The following POLD4 variants were observed in gnomAD, a reference collection of about 807,000 sequenced individuals.
POLD4 encodes the protein DNA polymerase delta 4, accessory subunit.
In POLD4, 9 loss-of-function variants were observed where a neutral mutation model predicts 16.5. The observed-to-expected ratio is 0.55, with a 90% CI of 0.33 to 0.95. The LOEUF (loss-of-function observed/expected upper bound fraction) is 0.95. POLD4 is among the 40% of genes least tolerant of loss of function. POLD4 has a pLI of 0.03. For missense variants in POLD4, 129 were observed against 139.7 expected, an observed-to-expected ratio of 0.92 and a Z score of 0.39; for synonymous variants, 62 against 57.6, an observed-to-expected ratio of 1.08 and a Z score of -0.35.
chr11:67,353,483 G>A lies in POLD4; in HGVS notation c.-84C>T, dbSNP rs550246173. On this transcript the variant is annotated 5_prime_UTR_variant, in exon 1 of 4. Transcript: ENST00000312419. ...AGTGGGCGCGAGAAAGACAGCTGCT[G>A]AGAGAGACAGACGGGGCCAGGCCAG... 497 of 1,211,524 alleles carry A rather than the reference G, an allele frequency of 4.1e-4. 2 individuals are homozygous for A. The highest frequency in any genetic ancestry group is 4.8e-4 in the Non-Finnish European group (410 of 852,474). 75.0% of individuals were successfully genotyped at this position (1,211,524 alleles called of 1,614,324 possible). A position where few individuals can be genotyped will look rare whatever the true frequency, so the allele number is the denominator to read the frequency against.
Position 67,351,878 on chromosome 11 carries a change from C to T in POLD4, c.*117G>A. ...CTCTGACACCTCCAGGTTCTGCCTG[C>T]CAAGGGTTCCTCCGCAGCCGGGCTG... On this transcript the variant is annotated 3_prime_UTR_variant, in exon 4 of 4. Transcript: ENST00000312419. This position sits in a 1 kb window ranked among gnomAD's most constrained non-coding sequence, Gnocchi z 4.8. 8 of 1,170,510 alleles carry T rather than the reference C, an allele frequency of 6.8e-6. No homozygotes were observed. The highest frequency in any genetic ancestry group is 9.9e-6 in the Non-Finnish European group (8 of 811,784). The allele number at this position is 1,170,510 out of a possible 1,614,324, so 72.5% of individuals were successfully genotyped here. A position where few individuals can be genotyped will look rare whatever the true frequency, so the allele number is the denominator to read the frequency against.
rs577010898 is a variant in POLD4, at chr11:67,351,760, A to T, written c.*235T>A. On this transcript the variant is annotated 3_prime_UTR_variant, in exon 4 of 4. Coordinates refer to ENST00000312419, the MANE Select transcript of POLD4 (RefSeq NM_021173.5). This position sits in a 1 kb window ranked among gnomAD's most constrained non-coding sequence, Gnocchi z 4.8. The stretch of plus-strand genomic sequence containing the variant: ...AGGTGATGGCCAGGTCCTTTTCCCC[A>T]GTGACCACTCTCCATCTAGAAGCAC... 2.8e-4 allele frequency: 145 copies of T among 521,210 alleles called. No individual in the cohort carries two copies. Among genetic ancestry groups the T allele is most frequent in the Non-Finnish European group, 4.4e-4 (127 of 287,590 alleles). The allele number at this position is 521,210 out of a possible 1,614,324, so 32.3% of individuals were successfully genotyped here.
chr11:67,351,869 T>G lies in POLD4; in HGVS notation c.*126A>C. The G allele has an allele frequency of 9.6e-7, 1 of 1,039,336 alleles. No individual in the cohort carries two copies. Among genetic ancestry groups the G allele is most frequent in the Non-Finnish European group, 1.4e-6 (1 of 695,628 alleles). The allele number at this position is 1,039,336 out of a possible 1,614,324, so 64.4% of individuals were successfully genotyped here. A position where few individuals can be genotyped will look rare whatever the true frequency, so the allele number is the denominator to read the frequency against. ...GAGTTGAGCCTCTGACACCTCCAGGTTCTGCCTGCCAAGGGTTCCTCCGCA... is the reference window on the plus strand; with the variant it reads ...GAGTTGAGCCTCTGACACCTCCAGGGTCTGCCTGCCAAGGGTTCCTCCGCA... On this transcript the variant is annotated 3_prime_UTR_variant, in exon 4 of 4. Coordinates refer to ENST00000312419, the MANE Select transcript of POLD4 (RefSeq NM_021173.5). The surrounding 1 kb of genome is among the most constrained non-coding windows in gnomAD (Gnocchi z 4.8).
Position 67,352,795 on chromosome 11 carries a change from T to A in POLD4, c.195A>T (p.Thr65=). The stretch of plus-strand genomic sequence containing the variant: ...TGGCCCGACACCAGCGCTGCAGCCG[T>A]GTGATCCCTGCCAGGGTGGGAAGAA... ...AWQYGPCTGI[T]RLQRWCRAKQ... Residue 65 remains threonine (T), a synonymous_variant, in exon 3 of 4, where the codon ACA becomes ACT. Transcript: ENST00000312419. 6.2e-7 allele frequency: 1 copy of A among 1,601,230 alleles called. No individual in the cohort carries two copies. The highest frequency in any genetic ancestry group is 8.5e-7 in the Non-Finnish European group (1 of 1,173,108).
rs1355352382 is a variant in POLD4, at chr11:67,352,969, G to T, written c.187+19C>A. 6.5e-7 allele frequency: 1 copy of T among 1,536,914 alleles called. No homozygotes were observed. Among genetic ancestry groups the T allele is most frequent in the South Asian group, 1.2e-5 (1 of 82,438 alleles). ...ACTGGCTGGGAGAGGCGCCTCCGTG[G>T]GGCTGGGTGGGTTCTCACCGGTGCA... On this transcript the variant is annotated intron_variant, in intron 2 of 3. Coordinates refer to ENST00000312419, the MANE Select transcript of POLD4 (RefSeq NM_021173.5).
At chr11:67,353,273 C>T in intron 1 of POLD4, 30 bp downstream of exon 1, 1 of 1,598,772 alleles carries the variant, frequency 6.3e-7, no homozygotes, top group Non-Finnish European at 8.5e-7. Flanking sequence ...TCCGTGTCCA[C>T]TCCTCCTGCC....
In POLD4 at chr11:67,353,467, G is replaced by A; in HGVS notation, c.-68C>T. The A allele has an allele frequency of 7.4e-7, 1 of 1,359,920 alleles. No individual in the cohort carries two copies. The allele number at this position is 1,359,920 out of a possible 1,614,324, so 84.2% of individuals were successfully genotyped here. A position where few individuals can be genotyped will look rare whatever the true frequency, so the allele number is the denominator to read the frequency against. On this transcript the variant is annotated 5_prime_UTR_variant, in exon 1 of 4. Transcript: ENST00000312419. ...AGAGGAGAGACCGGCCAGTGGGCGC[G>A]AGAAAGACAGCTGCTGAGAGAGACA...
At position 67,353,318 on chromosome 11, in the gene POLD4, G is replaced by A; in HGVS notation, c.82C>T (p.Leu28=). Residue 28 remains leucine (L), a synonymous_variant, in exon 1 of 4, where the codon CTG becomes TTG. Coordinates refer to ENST00000312419, the MANE Select transcript of POLD4 (RefSeq NM_021173.5). ...CCTCAGAGACCTAGCTCGGGTGCCAGCTCCCCCTTGCTGTGCCCAGCGGGC... is the reference window on the plus strand; with the variant it reads ...CCTCAGAGACCTAGCTCGGGTGCCAACTCCCCCTTGCTGTGCCCAGCGGGC... ...EGPAGHSKGE[L]APELGEEPQP... is the part of the protein sequence containing the mutation. 6.2e-7 allele frequency: 1 copy of A among 1,611,850 alleles called. No individual in the cohort carries two copies.
chr11:67,352,206 G>A, intron 3 of POLD4, 187 bp from the exon 4 acceptor site: 1 of 567,488 alleles, frequency 1.8e-6, no homozygotes. Flanking sequence ...CCCCCCACTA[G>A]CTTGTAGAGG....
intron 2 of POLD4, 73 bp downstream of exon 2, chr11:67,352,915 G>T: frequency 1.4e-6 from 2 of 1,430,354 alleles, no homozygotes; most frequent in Non-Finnish European, 1.9e-6. Context: ...TCACGCAAGC[G>T]CTTGGGTGAC....
In POLD4 at chr11:67,353,441, A is replaced by C. The variant is rs1207352528; in HGVS notation, c.-42T>G. 1 of 1,565,544 alleles carries C rather than the reference A, an allele frequency of 6.4e-7. No homozygotes were observed. The highest frequency in any genetic ancestry group is 8.7e-7 in the Non-Finnish European group (1 of 1,147,604). On this transcript the variant is annotated 5_prime_UTR_variant, in exon 1 of 4. Coordinates refer to ENST00000312419, the MANE Select transcript of POLD4 (RefSeq NM_021173.5). ...GGCAGAGAAGGAGGCAACTGCGGGGAAGAGGAGAGACCGGCCAGTGGGCGC... is the reference window on the plus strand; with the variant it reads ...GGCAGAGAAGGAGGCAACTGCGGGGCAGAGGAGAGACCGGCCAGTGGGCGC...
Position 67,351,899 on chromosome 11 carries a change from GGCTGA to G in POLD4, c.*91_*95del. 1 of 1,377,834 alleles carries G rather than the reference GGCTGA, an allele frequency of 7.3e-7. No individual in the cohort carries two copies. The allele number at this position is 1,377,834 out of a possible 1,614,324, so 85.4% of individuals were successfully genotyped here. On this transcript the variant is annotated 3_prime_UTR_variant, in exon 4 of 4. Coordinates refer to ENST00000312419, the MANE Select transcript of POLD4 (RefSeq NM_021173.5). The surrounding 1 kb of genome is among the most constrained non-coding windows in gnomAD (Gnocchi z 4.8). Reference sequence around the variant, plus strand: ...CCTGCCAAGGGTTCCTCCGCAGCCGGGCTGAGCTGAGCAGGAGCAATGGGCTCTCG... The same window carrying G: ...CCTGCCAAGGGTTCCTCCGCAGCCGGGCTGAGCAGGAGCAATGGGCTCTCG...
intron 1 of POLD4, 81 bp from the exon 2 acceptor site, chr11:67,353,158 T>C: frequency 4.0e-6 from 6 of 1,499,944 alleles, no homozygotes; most frequent in Non-Finnish European, 5.4e-6. Context: ...ACCACCGCTT[T>C]GCCTCTGCCA....
chr11:67,352,408 G>T, intron 3 of POLD4: 1 of 380,264 alleles, frequency 2.6e-6, no homozygotes, highest in East Asian at 5.0e-5. Flanking sequence ...TACTTGGGAG[G>T]CTGAGACAGG....
In POLD4 at chr11:67,353,496, G is replaced by T. The variant is rs1590906858; in HGVS notation, c.-97C>A. 4.7e-6 allele frequency: 5 copies of T among 1,071,916 alleles called. No homozygotes were observed. In the South Asian group the frequency reaches 7.1e-5, roughly 15 times the overall value. 66.4% of individuals were successfully genotyped at this position (1,071,916 alleles called of 1,614,324 possible). A position where few individuals can be genotyped will look rare whatever the true frequency, so the allele number is the denominator to read the frequency against. Reference sequence around the variant, plus strand: ...AAGACAGCTGCTGAGAGAGACAGACGGGGCCAGGCCAGCGGCGGGCAGACA... The same window carrying T: ...AAGACAGCTGCTGAGAGAGACAGACTGGGCCAGGCCAGCGGCGGGCAGACA... On this transcript the variant is annotated 5_prime_UTR_variant, in exon 1 of 4. Coordinates refer to ENST00000312419, the MANE Select transcript of POLD4 (RefSeq NM_021173.5).
intron 3 of POLD4, 37 bp from the exon 4 acceptor site, chr11:67,352,056 A>G (rs1289969768): frequency 1.5e-6 from 2 of 1,306,126 alleles, no homozygotes; most frequent in Non-Finnish European, 1.1e-6. Flanking sequence ...GATACCCCAG[A>G]GAGAGAGAGA....
rs1275653533 is a variant in POLD4, at chr11:67,352,813, G to A, written c.188-11C>T. The A allele has an allele frequency of 1.9e-6, 3 of 1,596,910 alleles. No homozygotes were observed. Among genetic ancestry groups the A allele is most frequent in the South Asian group, 1.1e-5 (1 of 89,992 alleles). On this transcript the variant is annotated splice_polypyrimidine_tract_variant and intron_variant, in intron 2 of 3. Transcript: ENST00000312419. ...GCAGCCGTGTGATCCCTGCCAGGGT[G>A]GGAAGAAGACTCTGGAGACTTGTGG...
At position 67,353,318 on chromosome 11, in the gene POLD4, GC is replaced by G. The variant is rs754485355; in HGVS notation, c.81del (p.Glu27AspfsTer6). On this transcript the variant is annotated frameshift_variant, in exon 1 of 4. Transcript: ENST00000312419. LOFTEE classifies it high-confidence loss of function. ...CCTCAGAGACCTAGCTCGGGTGCCA[GC>G]TCCCCCTTGCTGTGCCCAGCGGGCC... ...REGPAGHSKG[E>X]LAPELGEEPQ... 1.2e-5 allele frequency: 20 copies of G among 1,611,852 alleles called. No homozygotes were observed. In the South Asian group the frequency reaches 2.2e-4, roughly 18 times the overall value.
intron 2 of POLD4, 27 bp downstream of exon 2, chr11:67,352,960 GC>G: frequency 6.6e-7 from 1 of 1,519,218 alleles, no homozygotes; most frequent in South Asian, 1.2e-5. Flanking sequence ...TGGGAGAGGC[GC>G]CTCCGTGGGG....
Sources: allele counts gnomAD v4.1 joint callset, GRCh38; gene constraint gnomAD v4.1.1; non-coding constraint Gnocchi (gnomAD v3.1); transcripts MANE v1.5; gene names NCBI Gene and HGNC (gene_info 2026-07-23, HGNC 2026-07-21).